Variants in ARSB observed in about 807,000 individuals in gnomAD.
The protein encoded by ARSB is arylsulfatase B.
Under a neutral mutation model 50.9 loss-of-function variants are expected in ARSB, and 41 were observed. The ratio of observed to expected loss-of-function variants is 0.81; its 90% CI spans 0.63 to 1.04. The LOEUF (loss-of-function observed/expected upper bound fraction) is 1.04, where lower values mean the gene tolerates loss of function less well. Among genes scored for constraint, ARSB ranks in the 50% least tolerant of loss-of-function variants. The pLI, the probability that ARSB is intolerant of heterozygous loss-of-function variation, is 0.00. For missense variants in ARSB, 672 were observed against 693.3 expected (o/e 0.97, Z 0.35); for synonymous variants, 269 against 284.8 (o/e 0.94, Z 0.56).
chr5:78,902,052 G>A (rs1426593188), intron 4 of ARSB, among the ~76,000 whole-genome samples: 1 of 152,234 alleles, frequency 6.6e-6, no homozygotes, highest in African/African-American at 2.4e-5. Flanking sequence ...CATGGTTCTG[G>A]AGGCTGGGAA....
intron 4 of ARSB, among the ~76,000 whole-genome samples, chr5:78,943,709 C>T (rs1168812786): frequency 6.6e-6 from 1 of 152,178 alleles, no homozygotes; most frequent in African/African-American, 2.4e-5. Context: ...CTGCCGTTAA[C>T]ATTTTTTCCT....
At chr5:78,926,774 A>G (rs1194226064) in intron 4 of ARSB, among the ~76,000 whole-genome samples, 1 of 152,264 alleles carries the variant, frequency 6.6e-6, no homozygotes, top group Non-Finnish European at 1.5e-5. Context: ...TACTGCAATT[A>G]TGAAGCTACC....
chr5:78,790,738 CT>C (rs1176496386), intron 6 of ARSB, among the ~76,000 whole-genome samples: 1 of 152,074 alleles, frequency 6.6e-6, no homozygotes, highest in African/African-American at 2.4e-5. Flanking sequence ...GTTTCATTTT[CT>C]TTTACAACCT....
intron 5 of ARSB, among the ~76,000 whole-genome samples, chr5:78,878,756 T>C (rs968320386): frequency 1.3e-5 from 2 of 152,326 alleles, no homozygotes; most frequent in African/African-American, 4.8e-5. Context: ...GTTTTTAAGA[T>C]ATTTTAATAT....
chr5:78,904,644 CTG>C (rs1748955271), intron 4 of ARSB, among the ~76,000 whole-genome samples: 1 of 147,430 alleles, frequency 6.8e-6, no homozygotes, highest in South Asian at 2.2e-4. Flanking sequence ...TTCCTTTTTT[CTG>C]TGTTTCAGGC....
At chr5:78,819,846 C>T (rs577859391) in intron 6 of ARSB, among the ~76,000 whole-genome samples, 1 of 152,348 alleles carries the variant, frequency 6.6e-6, no homozygotes, top group South Asian at 2.1e-4. Context: ...CACAGAAGGG[C>T]CAAGTCAGCT....
At chr5:78,918,697 T>C (rs1353846834) in intron 4 of ARSB, among the ~76,000 whole-genome samples, 1 of 152,190 alleles carries the variant, frequency 6.6e-6, no homozygotes, top group Non-Finnish European at 1.5e-5. Flanking sequence ...TTTATTAAAT[T>C]AAGTAACTCT....
intron 1 of ARSB, among the ~76,000 whole-genome samples, chr5:78,975,749 G>A (rs1752636764): frequency 6.6e-6 from 1 of 152,174 alleles, no homozygotes; most frequent in African/African-American, 2.4e-5. Context: ...TAATTAAGAT[G>A]GTGAGCTCTT....
intron 4 of ARSB, among the ~76,000 whole-genome samples, chr5:78,939,320 G>A (rs1218665480): frequency 1.3e-5 from 2 of 150,864 alleles, no homozygotes; most frequent in African/African-American, 4.9e-5. Flanking sequence ...TAGGGTACAT[G>A]TGCATAACGT....
At chr5:78,797,498 G>A (rs1051482222) in intron 6 of ARSB, among the ~76,000 whole-genome samples, 2 of 152,126 alleles carry the variant, frequency 1.3e-5, no homozygotes, top group Non-Finnish European at 2.9e-5. Flanking sequence ...TCATTCCTTC[G>A]ATGGTGCTCC....
At chr5:78,889,023 C>T (rs943453106) in intron 4 of ARSB, among the ~76,000 whole-genome samples, 2 of 152,240 alleles carry the variant, frequency 1.3e-5, no homozygotes, top group Non-Finnish European at 2.9e-5. Flanking sequence ...TCAGCTTCGC[C>T]TGTCCTTGTA....
chr5:78,834,911 T>C (rs35846655), intron 6 of ARSB, among the ~76,000 whole-genome samples: 33,016 of 150,902 alleles, frequency 0.22, 4,042 homozygotes, highest in Non-Finnish European at 0.26. Context: ...TAACAGTGAA[T>C]AAGGGTTCCA....
intron 6 of ARSB, among the ~76,000 whole-genome samples, chr5:78,791,626 C>A (rs898679970): frequency 6.6e-6 from 1 of 152,234 alleles, no homozygotes; most frequent in African/African-American, 2.4e-5. Context: ...TTGAATGTCC[C>A]AACAACTGCA....
chr5:78,859,196 A>T (rs949167507), intron 5 of ARSB, among the ~76,000 whole-genome samples: 2 of 152,198 alleles, frequency 1.3e-5, no homozygotes, highest in African/African-American at 2.4e-5. Context: ...AATTAAGAGT[A>T]TAGGCACGGA....
intron 5 of ARSB, among the ~76,000 whole-genome samples, chr5:78,846,567 T>C (rs958274701): frequency 1.3e-5 from 2 of 152,210 alleles, no homozygotes; most frequent in African/African-American, 4.8e-5. Flanking sequence ...TGCTGGCATA[T>C]AGAAATGCTA....
chr5:78,792,590 G>A (rs1394521397), intron 6 of ARSB, among the ~76,000 whole-genome samples: 1 of 152,044 alleles, frequency 6.6e-6, no homozygotes, highest in Non-Finnish European at 1.5e-5. Context: ...CTGTTTCCTT[G>A]TATGCAAAAA....
chr5:78,937,354 ATATG>A lies in ARSB; in HGVS notation c.898+17937_898+17940del, dbSNP rs1456225400. ...TATATGTAAGATATATATATCATAT[ATATG>A]TAAGATATATATATGTAAGATATAT... On this transcript the variant is annotated intron_variant, in intron 4 of 7. Transcript: ENST00000264914. Among the ~76,000 whole-genome samples, 4 of 129,214 alleles carry A rather than the reference ATATG, an allele frequency of 3.1e-5. 2 individuals are homozygous for A. Among genetic ancestry groups the A allele is most frequent in the African/African-American group, 5.8e-5 (2 of 34,228 alleles). The allele number at this position is 129,214 out of a possible 152,430, so 84.8% of individuals were successfully genotyped here.
chr5:78,834,607 G>GTGTATATATATATATATATATA (rs1185355030), intron 6 of ARSB, among the ~76,000 whole-genome samples: 1 of 85,602 alleles, frequency 1.2e-5, no homozygotes, highest in Non-Finnish European at 2.3e-5. Flanking sequence ...ATATATATGT[G>GTGTATATATATATATATATATA]TATATATATA....
chr5:78,945,145 G>T (rs555299380), intron 4 of ARSB, among the ~76,000 whole-genome samples: 2 of 152,244 alleles, frequency 1.3e-5, no homozygotes, highest in South Asian at 4.2e-4. Context: ...TATTAGGGTG[G>T]GAGTGACCCG....
Sources: allele counts gnomAD v4.1 joint callset (sites outside exome capture counted in the v4.1 genomes callset), GRCh38; gene constraint gnomAD v4.1.1; transcripts MANE v1.5; gene names NCBI Gene and HGNC (gene_info 2026-07-23, HGNC 2026-07-21).